Variants in ADCK5 observed in about 807,000 individuals in gnomAD.
The protein encoded by ADCK5 is uncharacterized aarF domain-containing protein kinase 5.
A neutral mutation model predicts 64.9 loss-of-function variants in ADCK5; 43 were observed. The observed-to-expected ratio is 0.66, with a 90% CI of 0.52 to 0.85. The LOEUF (loss-of-function observed/expected upper bound fraction) is 0.85, where lower values mean the gene tolerates loss of function less well. Ranked by LOEUF, ADCK5 falls within the 40% of genes least tolerant of loss-of-function variation. The pLI is 0.00. For missense variants in ADCK5, 760 were observed against 810.5 expected (o/e 0.94, Z 0.76); for synonymous variants, 434 against 342.8 (o/e 1.27, Z -2.94).
chr8:144,385,248 G>A (rs956827902), intron 3 of ADCK5, among the ~76,000 whole-genome samples: 2 of 149,950 alleles, frequency 1.3e-5, no homozygotes, highest in Non-Finnish European at 3.0e-5. Flanking sequence ...GCAGTGGTGC[G>A]ATCTCAGCTC....
At position 144,376,132 on chromosome 8, in the gene ADCK5, G is replaced by A. The variant is rs1347358887; in HGVS notation, c.12+2025G>A. ...GGCGCTCCACATTTGGAGGAGACAG[G>A]CTCTTGCTCAGCCTCATGGGCCCTG... On this transcript the variant is annotated intron_variant, in intron 1 of 14. Coordinates refer to ENST00000308860, the MANE Select transcript of ADCK5 (RefSeq NM_174922.5). The surrounding 1 kb of genome is among the most constrained non-coding windows in gnomAD (Gnocchi z 5.1). Among the ~76,000 whole-genome samples, 3 of 152,204 alleles carry A rather than the reference G, an allele frequency of 2.0e-5. No individual in the cohort carries two copies. Among genetic ancestry groups the A allele is most frequent in the Non-Finnish European group, 4.4e-5 (3 of 68,040 alleles).
intron 2 of ADCK5, among the ~76,000 whole-genome samples, chr8:144,381,506 C>A (rs1554858224): frequency 6.4e-4 from 42 of 65,332 alleles, no homozygotes; most frequent in African/African-American, 8.5e-4. Flanking sequence ...GTGCTCAGGC[C>A]CCTGCTGCAC....
At position 144,376,707 on chromosome 8, in the gene ADCK5, G is replaced by A. The variant is rs549321376; in HGVS notation, c.12+2600G>A. On this transcript the variant is annotated intron_variant, in intron 1 of 14. Transcript: ENST00000308860. This position sits in a 1 kb window ranked among gnomAD's most constrained non-coding sequence, Gnocchi z 5.1. The stretch of plus-strand genomic sequence containing the variant: ...AGGTAGCTCCCTTGCAGCCACTTAC[G>A]AGCTGCTGTTCAGAGTCTCTCCACA... Among the ~76,000 whole-genome samples, 54 of 152,242 alleles carry A rather than the reference G, an allele frequency of 3.5e-4. No individual in the cohort carries two copies. The South Asian group carries it at 7.1e-3, about 20-fold the overall frequency.
Position 144,392,772 on chromosome 8 carries a change from G to A in ADCK5, c.1521-4G>A, listed in dbSNP as rs782007757. Reference sequence around the variant, plus strand: ...TGACGCGGCGCTAACGCGGGTGTGTGCAGGGCTGTCCGGGGCTGGAGCCGC... The same window carrying A: ...TGACGCGGCGCTAACGCGGGTGTGTACAGGGCTGTCCGGGGCTGGAGCCGC... On this transcript the variant is annotated splice_region_variant and splice_polypyrimidine_tract_variant and intron_variant, in intron 13 of 14. Coordinates refer to ENST00000308860, the MANE Select transcript of ADCK5 (RefSeq NM_174922.5). 5 of 1,593,560 alleles carry A rather than the reference G, an allele frequency of 3.1e-6. No individual in the cohort carries two copies. The South Asian group carries it at 3.3e-5, about 11-fold the overall frequency.
rs1174301043 is a variant in ADCK5 at position 144,391,649 on chromosome 8, C to T, written c.868C>T (p.Arg290Trp). The T allele has an allele frequency of 2.6e-6, 4 of 1,548,032 alleles. No homozygotes were observed. The highest frequency in any genetic ancestry group is 3.5e-6 in the Non-Finnish European group (4 of 1,150,950). Residue 290 changes from arginine (R) to tryptophan (W), a missense_variant, in exon 8 of 15, where the codon CGG becomes TGG. Arg to Trp is a moderately radical substitution (Grantham distance 101, BLOSUM62 -3). Transcript: ENST00000308860. ...GGGCCGCAACGCAGAGCGCTGTGCG[C>T]GGGAGCTGGCGCACTTCCCCTACGT... ...NEGRNAERCARELAHFPYVVV... is the reference protein window; with the variant it reads ...NEGRNAERCAWELAHFPYVVV...
Position 144,392,091 on chromosome 8 carries a change from G to A in ADCK5, c.1097-1G>A. On this transcript the variant is annotated splice_acceptor_variant, in intron 10 of 14. Coordinates refer to ENST00000308860, the MANE Select transcript of ADCK5 (RefSeq NM_174922.5). LOFTEE classifies it high-confidence loss of function. Reference sequence around the variant, plus strand: ...CGCGACCTAAGAGGCTGTATCCCTAGTTCTGGTGCGGAAAGGCCCGGACGG... The same window carrying A: ...CGCGACCTAAGAGGCTGTATCCCTAATTCTGGTGCGGAAAGGCCCGGACGG... 6.2e-7 allele frequency: 1 copy of A among 1,611,490 alleles called. No homozygotes were observed. Among genetic ancestry groups the A allele is most frequent in the Non-Finnish European group, 8.5e-7 (1 of 1,179,624 alleles).
At position 144,390,879 on chromosome 8, in the gene ADCK5, G is replaced by C. The variant is rs1554860287; in HGVS notation, c.366G>C (p.Val122=). 3 of 1,613,018 alleles carry C rather than the reference G, an allele frequency of 1.9e-6. No homozygotes were observed. Among genetic ancestry groups the C allele is most frequent in the Non-Finnish European group, 2.5e-6 (3 of 1,179,986 alleles). ...VEENSPGYLE[V]MSACHQRAAD... ...AGAACAGCCCAGGCTACTTGGAGGT[G>C]ATGTCTGCGTGTCACCAGCGGGCGG... The change falls in exon 5 of 15, where the codon GTG becomes GTC. Residue 122 remains valine (V), a synonymous_variant. Coordinates refer to ENST00000308860, the MANE Select transcript of ADCK5 (RefSeq NM_174922.5).
At chr8:144,387,106 G>A (rs891481347) in intron 3 of ADCK5, among the ~76,000 whole-genome samples, 5 of 152,194 alleles carry the variant, frequency 3.3e-5, no homozygotes, top group Admixed American at 2.0e-4. Flanking sequence ...TGACCACTTG[G>A]TGCACAGTTG....
Position 144,392,073 on chromosome 8 carries a change from T to C in ADCK5, c.1097-19T>C. The C allele has an allele frequency of 6.2e-7, 1 of 1,611,922 alleles. No homozygotes were observed. Among genetic ancestry groups the C allele is most frequent in the Non-Finnish European group, 8.5e-7 (1 of 1,179,834 alleles). ...GTCTCAGGGTGGGCGCAGCGCGACC[T>C]AAGAGGCTGTATCCCTAGTTCTGGT... On this transcript the variant is annotated intron_variant, in intron 10 of 14. Coordinates refer to ENST00000308860, the MANE Select transcript of ADCK5 (RefSeq NM_174922.5).
intron 7 of ADCK5, 43 bp downstream of exon 7, chr8:144,391,517 A>C: frequency 6.3e-7 from 1 of 1,590,170 alleles, no homozygotes; most frequent in Non-Finnish European, 8.5e-7. Context: ...GCAAACACGT[A>C]GGCAGAGCTG....
intron 1 of ADCK5, among the ~76,000 whole-genome samples, chr8:144,378,205 C>T (rs2130686652): frequency 6.6e-6 from 1 of 152,314 alleles, no homozygotes; most frequent in African/African-American, 2.4e-5. Context: ...AGATGGGAAC[C>T]TGGCTTCCTG....
chr8:144,378,935 C>T (rs1374547335), intron 1 of ADCK5, among the ~76,000 whole-genome samples: 2 of 143,062 alleles, frequency 1.4e-5, no homozygotes, highest in African/African-American at 5.1e-5. Context: ...TTGGGTAGTT[C>T]TTTTTTTTTT....
rs1554860989 is a variant in ADCK5, at chr8:144,392,161, T to A, written c.1166T>A (p.Leu389Gln). ...VLLDHGLYQFLEEKDRAALCQ... is the reference protein window; with the variant it reads ...VLLDHGLYQFQEEKDRAALCQ... ...CTGGACCACGGGCTCTACCAGTTCC[T>A]GGAGGAGAAGTGAGCGCGGGTGGGT... The change falls in exon 11 of 15, where the codon CTG becomes CAG. Residue 389 changes from leucine to glutamine, a missense_variant. Physicochemically the swap from Leu to Gln is moderately radical, Grantham distance 113 (BLOSUM62 -2). Transcript: ENST00000308860. The A allele has an allele frequency of 8.2e-7, 1 of 1,222,316 alleles. No homozygotes were observed. The highest frequency in any genetic ancestry group is 1.2e-5 in the South Asian group (1 of 83,076). The allele number at this position is 1,222,316 out of a possible 1,614,324, so 75.7% of individuals were successfully genotyped here. A position where few individuals can be genotyped will look rare whatever the true frequency, so the allele number is the denominator to read the frequency against.
At chr8:144,378,462 C>T (rs1819464775) in intron 1 of ADCK5, among the ~76,000 whole-genome samples, 1 of 152,022 alleles carries the variant, frequency 6.6e-6, no homozygotes, top group Admixed American at 6.5e-5. Context: ...TGCTCTCTCT[C>T]TCTCTCCGCC....
chr8:144,383,933 C>T (rs1161004091), intron 3 of ADCK5, among the ~76,000 whole-genome samples: 1 of 146,154 alleles, frequency 6.8e-6, no homozygotes, highest in Non-Finnish European at 1.5e-5. Context: ...CGCTCTGTCA[C>T]CCAGGCTGGA....
Position 144,392,334 on chromosome 8 carries a change from T to TGGGGGTACAAGGTGA in ADCK5, c.1262_1263insACAAGGTGAGGGGGT (p.Gln422_Asp423insGlyGluGlyValGln). 1.4e-6 allele frequency: 2 copies of TGGGGGTACAAGGTGA among 1,476,844 alleles called. No homozygotes were observed. Among genetic ancestry groups the TGGGGGTACAAGGTGA allele is most frequent in the Non-Finnish European group, 1.8e-6 (2 of 1,115,098 alleles). 91.5% of individuals were successfully genotyped at this position (1,476,844 alleles called of 1,614,324 possible). A position where few individuals can be genotyped will look rare whatever the true frequency, so the allele number is the denominator to read the frequency against. On this transcript the variant is annotated inframe_insertion, in exon 12 of 15. Coordinates refer to ENST00000308860, the MANE Select transcript of ADCK5 (RefSeq NM_174922.5). ...GCCATGAGGGCGCACGCAGCCGCACTGGGGGTGCAAGGTGAGGGCGTGCGG... is the reference window on the plus strand; with the variant it reads ...GCCATGAGGGCGCACGCAGCCGCACTGGGGGTACAAGGTGAGGGGGTGCAAGGTGAGGGCGTGCGG...
chr8:144,388,363 A>C (rs2130719211), intron 3 of ADCK5, among the ~76,000 whole-genome samples: 1 of 151,648 alleles, frequency 6.6e-6, no homozygotes, highest in East Asian at 2.0e-4. Context: ...TCTCAAAAAA[A>C]AAAAAAAAAT....
At position 144,384,470 on chromosome 8, in the gene ADCK5, G is replaced by T. The variant is rs1819823512; in HGVS notation, c.266+1240G>T. 6.6e-6 allele frequency among the ~76,000 whole-genome samples: 1 copy of T among 152,210 alleles called. No individual in the cohort carries two copies. The highest frequency in any genetic ancestry group is 2.4e-5 in the African/African-American group (1 of 41,444). Reference sequence around the variant, plus strand: ...GTCGTTCCCCACGTGGGTCTCCCTGGCATCTGGTTTTGCTTGGAGTTCCTG... The same window carrying T: ...GTCGTTCCCCACGTGGGTCTCCCTGTCATCTGGTTTTGCTTGGAGTTCCTG... On this transcript the variant is annotated intron_variant, in intron 3 of 14. Transcript: ENST00000308860. This position sits in a 1 kb window ranked among gnomAD's most constrained non-coding sequence, Gnocchi z 5.7.
At position 144,391,398 on chromosome 8, in the gene ADCK5, A is replaced by T; in HGVS notation, c.722A>T (p.Asp241Val). Residue 241 changes from aspartate (D) to valine (V), a missense_variant, in exon 7 of 15, where the codon GAC becomes GTC. By Grantham distance (152) the Asp-to-Val change is radical. This residue lies in a region of ADCK5 where 427 missense variants were observed against 518.4 expected (regional missense o/e 0.82). Coordinates refer to ENST00000308860, the MANE Select transcript of ADCK5 (RefSeq NM_174922.5). ...GACCTGCGGGACCGCTTTGATGGGG[A>T]CATCCACACCCTGGAGCTCCTGCTG... Reference protein sequence around the residue: ...YIDLRDRFDGDIHTLELLLRL... With the variant: ...YIDLRDRFDGVIHTLELLLRL... 6.2e-7 allele frequency: 1 copy of T among 1,613,222 alleles called. No homozygotes were observed. Among genetic ancestry groups the T allele is most frequent in the Non-Finnish European group, 8.5e-7 (1 of 1,180,018 alleles).
Sources: allele counts gnomAD v4.1 joint callset (sites outside exome capture counted in the v4.1 genomes callset), GRCh38; gene constraint gnomAD v4.1.1; regional missense constraint gnomAD v4.1.1; non-coding constraint Gnocchi (gnomAD v3.1); transcripts MANE v1.5; gene names NCBI Gene and HGNC (gene_info 2026-07-23, HGNC 2026-07-21).